Variants in NPIPA5 observed in about 807,000 individuals in gnomAD.
NPIPA5 encodes nuclear pore complex interacting protein family member A5, also known as nuclear pore complex-interacting protein family member A5.
A neutral mutation model predicts 21.4 loss-of-function variants in NPIPA5; 6 were observed. The observed-to-expected ratio is 0.28, with a 90% confidence interval of 0.15 to 0.55. NPIPA5 has a LOEUF of 0.55. Among genes scored for constraint, NPIPA5 ranks in the 20% least tolerant of loss-of-function variants. The pLI is 0.93. For missense variants in NPIPA5, 99 were observed against 318.2 expected (o/e 0.31, Z 5.24); for synonymous variants, 33 against 115.3 (o/e 0.29, Z 4.57).
At chr16:15,369,424 G>A (rs2050084258) in intron 4 of NPIPA5, among the ~76,000 whole-genome samples, 1 of 151,210 alleles carries the variant, frequency 6.6e-6, no homozygotes, top group East Asian at 1.9e-4. Context: ...TACGGCCTGG[G>A]CAACAAGAGC....
chr16:15,379,891 C>T (rs1278902023), upstream of NPIPA5, among the ~76,000 whole-genome samples: 2 of 151,916 alleles, frequency 1.3e-5, no homozygotes, highest in African/African-American at 2.4e-5. Context: ...TTGCAGTGAG[C>T]CGAGATTGTG....
Position 15,375,613 on chromosome 16 carries a change from G to A in NPIPA5, c.64-1770C>T, listed in dbSNP as rs1247607014. Among the ~76,000 whole-genome samples, 15 of 147,924 alleles carry A rather than the reference G, an allele frequency of 1.0e-4. No individual in the cohort carries two copies. In the East Asian group the frequency reaches 1.0e-3, roughly 10 times the overall value. ...AAAAATTAGCAGGGCATGGTGGCACGCGCCTATAGTTCCAGCTACTTGGGA... is the reference window on the plus strand; with the variant it reads ...AAAAATTAGCAGGGCATGGTGGCACACGCCTATAGTTCCAGCTACTTGGGA... On this transcript the variant is annotated intron_variant, in intron 1 of 7. Coordinates refer to ENST00000360151, the MANE Select transcript of NPIPA5 (RefSeq NM_001277325.2).
intron 4 of NPIPA5, among the ~76,000 whole-genome samples, chr16:15,369,256 G>A (rs916944269): frequency 1.5e-4 from 23 of 148,848 alleles, no homozygotes; most frequent in African/African-American, 5.1e-4. Flanking sequence ...AGAAGTTCGA[G>A]ACCAGTCTGG....
intron 4 of NPIPA5, among the ~76,000 whole-genome samples, chr16:15,368,453 A>G (rs891450737): frequency 1.3e-5 from 2 of 152,076 alleles, no homozygotes; most frequent in East Asian, 1.9e-4. Flanking sequence ...AATATTTTTT[A>G]AAAAGTATCT....
intron 1 of NPIPA5, among the ~76,000 whole-genome samples, chr16:15,377,185 C>CT (rs2050321416): frequency 1.5e-5 from 2 of 132,504 alleles, no homozygotes; most frequent in Admixed American, 8.0e-5. Flanking sequence ...CCCGACTAAT[C>CT]TTTTTTGGAA....
upstream of NPIPA5, among the ~76,000 whole-genome samples, chr16:15,379,840 A>G (rs1245030765): frequency 6.6e-6 from 1 of 151,750 alleles, no homozygotes; most frequent in Non-Finnish European, 1.5e-5. Context: ...AGCTACTCAG[A>G]GGCTGAGGCA....
At position 15,375,348 on chromosome 16, in the gene NPIPA5, A is replaced by G. The variant is rs1474294857; in HGVS notation, c.64-1505T>C. 1.6e-5 allele frequency among the ~76,000 whole-genome samples: 2 copies of G among 121,484 alleles called. 1 individual carries two copies. Among genetic ancestry groups the G allele is most frequent in the Non-Finnish European group, 3.5e-5 (2 of 56,442 alleles). The allele number at this position is 121,484 out of a possible 152,430, so 79.7% of individuals were successfully genotyped here. On this transcript the variant is annotated intron_variant, in intron 1 of 7. Coordinates refer to ENST00000360151, the MANE Select transcript of NPIPA5 (RefSeq NM_001277325.2). The stretch of plus-strand genomic sequence containing the variant: ...CTAAATAATACTTCTCTCTTGGATT[A>G]TATGAATCTTTGTCATTTAAAGCTC...
At chr16:15,377,655 G>A (rs1396961013) in intron 1 of NPIPA5, among the ~76,000 whole-genome samples, 1 of 109,062 alleles carries the variant, frequency 9.2e-6, no homozygotes, top group Admixed American at 1.0e-4. Context: ...GAGGGGAAGG[G>A]GAAGGGGAGG....
intron 4 of NPIPA5, among the ~76,000 whole-genome samples, chr16:15,369,412 A>C (rs1287373081): frequency 6.6e-6 from 1 of 151,340 alleles, no homozygotes; most frequent in African/African-American, 2.4e-5. Context: ...GTGCCATTGC[A>C]CTACGGCCTG....
At chr16:15,370,926 AG>A (rs1805033984) in intron 2 of NPIPA5, among the ~76,000 whole-genome samples, 1 of 137,912 alleles carries the variant, frequency 7.3e-6, no homozygotes, top group Non-Finnish European at 1.6e-5. Context: ...GCACGCCTGT[AG>A]TCCCAGCTAC....
At chr16:15,379,034 T>C (rs1323289066), upstream of NPIPA5, among the ~76,000 whole-genome samples, 3 of 150,922 alleles carry the variant, frequency 2.0e-5, no homozygotes, top group African/African-American at 7.3e-5. Flanking sequence ...AGACCCCCAC[T>C]GTCCATCACC....
At chr16:15,371,499 G>A (rs1177663519) in intron 2 of NPIPA5, among the ~76,000 whole-genome samples, 1 of 148,166 alleles carries the variant, frequency 6.7e-6, no homozygotes, top group East Asian at 2.0e-4. Flanking sequence ...ATCTCCTGAG[G>A]TAGTCATTGA....
intron 1 of NPIPA5, among the ~76,000 whole-genome samples, chr16:15,376,836 A>C (rs965140535): frequency 2.6e-5 from 4 of 152,122 alleles, no homozygotes; most frequent in East Asian, 1.9e-4. Flanking sequence ...AAAATACAAA[A>C]ATTAGCCAGG....
At chr16:15,368,605 G>A (rs2050049400) in intron 4 of NPIPA5, among the ~76,000 whole-genome samples, 1 of 148,572 alleles carries the variant, frequency 6.7e-6, no homozygotes, top group African/African-American at 2.5e-5. Flanking sequence ...GGCTCACACT[G>A]GGAGGCTGAG....
At chr16:15,369,038 C>G (rs965290164) in intron 4 of NPIPA5, among the ~76,000 whole-genome samples, 2 of 140,698 alleles carry the variant, frequency 1.4e-5, no homozygotes, top group African/African-American at 5.3e-5. Context: ...ACCTGTAATC[C>G]AAGCTACTCG....
chr16:15,381,552 A>G (rs1398691253), upstream of NPIPA5: 3 of 253,282 alleles, frequency 1.2e-5, no homozygotes, highest in African/African-American at 6.9e-5. Flanking sequence ...ACACTTGTCG[A>G]ATCAATGCAT....
At chr16:15,379,865 A>G (rs1446946859), upstream of NPIPA5, among the ~76,000 whole-genome samples, 2 of 151,216 alleles carry the variant, frequency 1.3e-5, no homozygotes, top group Non-Finnish European at 1.5e-5. Context: ...AATTGCTTGA[A>G]CCCGGGAGAC....
intron 2 of NPIPA5, among the ~76,000 whole-genome samples, chr16:15,371,045 C>CAA (rs757452192): frequency 2.0e-3 from 99 of 49,310 alleles, no homozygotes; most frequent in African/African-American, 2.9e-3. Flanking sequence ...GACTCCGTCT[C>CAA]AAAAAAAAAA....
chr16:15,378,988 C>A (rs1386118838), upstream of NPIPA5, among the ~76,000 whole-genome samples: 1 of 145,974 alleles, frequency 6.9e-6, no homozygotes, highest in Non-Finnish European at 1.5e-5. Context: ...GAGCTCCAAG[C>A]AGGTGGGCAG....
Sources: allele counts gnomAD v4.1 joint callset (sites outside exome capture counted in the v4.1 genomes callset), GRCh38; gene constraint gnomAD v4.1.1; transcripts MANE v1.5; gene names NCBI Gene and HGNC (gene_info 2026-07-23, HGNC 2026-07-21).